ST3GAL3: variants seen among roughly 807,000 people sequenced by gnomAD.
ST3GAL3 encodes ST3 beta-galactoside alpha-2,3-sialyltransferase 3.
ST3GAL3 carries 21 observed loss-of-function variants against 50.1 expected under a neutral mutation model. The ratio of observed to expected loss-of-function variants is 0.42; its 90% confidence interval spans 0.30 to 0.60. ST3GAL3 has a LOEUF of 0.60. Among genes scored for constraint, ST3GAL3 ranks in the 20% least tolerant of loss-of-function variants. The pLI, the probability that ST3GAL3 is intolerant of heterozygous loss-of-function variation, is 0.19. For synonymous variants in ST3GAL3, 183 were observed against 190.0 expected, an observed-to-expected ratio of 0.96 and a Z score of 0.30; for missense variants, 353 against 489.4, an observed-to-expected ratio of 0.72 and a Z score of 2.63.
At chr1:43,892,972 A>G (rs1241719567) in intron 5 of ST3GAL3, among the ~76,000 whole-genome samples, 1 of 152,218 alleles carries the variant, frequency 6.6e-6, no homozygotes, top group Non-Finnish European at 1.5e-5. Context: ...TTACCCTTTT[A>G]CATGGGGTGG....
rs1371885136 is a variant in ST3GAL3 at position 43,765,791 on chromosome 1, GCGCGCGCGCGTC to G, written c.119-26304_119-26293del. On this transcript the variant is annotated intron_variant, in intron 2 of 11. Transcript: ENST00000347631. ...TGTGTGTGTGTGTGTGTGTGCGCGCGCGCGCGCGCGTCCGCGCGTCCGCGTGCGCTTTTTTTT... is the reference window on the plus strand; with the variant it reads ...TGTGTGTGTGTGTGTGTGTGCGCGCGCGCGCGTCCGCGTGCGCTTTTTTTT... Among the ~76,000 whole-genome samples, 344 of 147,410 alleles carry G rather than the reference GCGCGCGCGCGTC, an allele frequency of 2.3e-3. 1 individual carries two copies. The highest frequency in any genetic ancestry group is 8.7e-3 in the African/African-American group (327 of 37,422).
chr1:43,861,377 A>C (rs2069886691), intron 5 of ST3GAL3, among the ~76,000 whole-genome samples: 1 of 151,964 alleles, frequency 6.6e-6, no homozygotes, highest in African/African-American at 2.4e-5. Context: ...TTCTGTCTTT[A>C]TGCTCTGACT....
chr1:43,753,843 G>A (rs1445257023), intron 2 of ST3GAL3, among the ~76,000 whole-genome samples: 3 of 152,102 alleles, frequency 2.0e-5, no homozygotes, highest in Non-Finnish European at 2.9e-5. Flanking sequence ...CTGCAGCTGG[G>A]TTGAAGGATG....
intron 1 of ST3GAL3, among the ~76,000 whole-genome samples, chr1:43,729,392 C>T (rs1161775859): frequency 6.6e-6 from 1 of 151,976 alleles, no homozygotes; most frequent in Non-Finnish European, 1.5e-5. Context: ...ATATTAAAAA[C>T]CATTTTTTTC....
intron 2 of ST3GAL3, chr1:43,772,463 C>CA (rs1453863999): frequency 1.3e-5 from 2 of 155,594 alleles, no homozygotes; most frequent in African/African-American, 4.8e-5. Context: ...TCATTGCTTA[C>CA]GTCTTATTCT....
At chr1:43,887,921 A>G (rs1334601630) in intron 5 of ST3GAL3, among the ~76,000 whole-genome samples, 2 of 152,136 alleles carry the variant, frequency 1.3e-5, no homozygotes, top group South Asian at 4.1e-4. Context: ...TGATCTCCCC[A>G]TCACCATGAA....
intron 9 of ST3GAL3, among the ~76,000 whole-genome samples, chr1:43,905,414 CTGCCACTTTTCCTCCCCCT>C (rs1195749921): frequency 7.5e-5 from 9 of 119,820 alleles, no homozygotes; most frequent in Non-Finnish European, 1.2e-4. Flanking sequence ...GCTCCTCTTC[CTGCCACTTTTCCTCCCCCT>C]CGTCCTGCTC....
At chr1:43,919,027 G>A (rs1289458343) in intron 9 of ST3GAL3, 2 of 135,918 alleles carry the variant, frequency 1.5e-5, no homozygotes, top group Admixed American at 1.5e-4. Flanking sequence ...AAGTTTAGTT[G>A]ATTCTTTTAG....
In ST3GAL3 at chr1:43,877,303, CGAT is replaced by C. The variant is rs529541308; in HGVS notation, c.303-17070_303-17068del. On this transcript the variant is annotated intron_variant, in intron 5 of 11. Coordinates refer to ENST00000347631, the MANE Select transcript of ST3GAL3 (RefSeq NM_006279.5). ...CATTCATGCATTGCCCAGTCTGGGG[CGAT>C]GATGATGATTGTGATGTCATCTAGC... Among the ~76,000 whole-genome samples the C allele has an allele frequency of 3.6e-3, 545 of 152,200 alleles. 2 individuals carry two copies. The highest frequency in any genetic ancestry group is 4.4e-3 in the Non-Finnish European group (299 of 68,012).
chr1:43,765,810 T>TGCGTCCGCGCGC (rs1692666626), intron 2 of ST3GAL3, among the ~76,000 whole-genome samples: 12 of 146,560 alleles, frequency 8.2e-5, no homozygotes, highest in African/African-American at 2.9e-4. Flanking sequence ...CGTCCGCGCG[T>TGCGTCCGCGCGC]CCGCGTGCGC....
intron 11 of ST3GAL3, among the ~76,000 whole-genome samples, chr1:43,923,390 G>A (rs2083391573): frequency 6.6e-6 from 1 of 152,102 alleles, no homozygotes; most frequent in African/African-American, 2.4e-5. Context: ...ATTGTATCAG[G>A]CTTTTTTGGT....
At chr1:43,852,448 T>G (rs1038171417) in intron 5 of ST3GAL3, among the ~76,000 whole-genome samples, 1 of 152,228 alleles carries the variant, frequency 6.6e-6, no homozygotes, top group African/African-American at 2.4e-5. Context: ...GCTTTGTTAT[T>G]GTGTATATAA....
intron 5 of ST3GAL3, chr1:43,851,187 G>C: frequency 7.0e-7 from 1 of 1,428,342 alleles, no homozygotes; most frequent in Non-Finnish European, 9.9e-7. Flanking sequence ...TCCTCCAGCT[G>C]GTCATAGTTG....
chr1:43,834,263 A>T (rs760385639), intron 4 of ST3GAL3, among the ~76,000 whole-genome samples: 11 of 152,174 alleles, frequency 7.2e-5, no homozygotes, highest in Non-Finnish European at 1.2e-4. Flanking sequence ...AACTTGGGGA[A>T]ATATTTCCTA....
chr1:43,925,069 C>G (rs1270042597), intron 11 of ST3GAL3, among the ~76,000 whole-genome samples: 1 of 152,052 alleles, frequency 6.6e-6, no homozygotes, highest in African/African-American at 2.4e-5. Context: ...GCGGGTGGAT[C>G]ACCTGGGGTC....
rs112498601 is a variant in ST3GAL3, at chr1:43,712,521, A to C, written c.-31+4828A>C. On this transcript the variant is annotated intron_variant, in intron 1 of 11. Transcript: ENST00000347631. ...AAGGACATGTCCCTGGCCTCAAAGAACCTCCAGTCTAGTAGGACCAGAAGC... is the reference window on the plus strand; with the variant it reads ...AAGGACATGTCCCTGGCCTCAAAGACCCTCCAGTCTAGTAGGACCAGAAGC... 1.1e-3 allele frequency among the ~76,000 whole-genome samples: 161 copies of C among 152,232 alleles called. 4 individuals carry two copies. The Middle Eastern group carries it at 0.014, about 13-fold the overall frequency.
intron 1 of ST3GAL3, among the ~76,000 whole-genome samples, chr1:43,735,566 C>T: frequency 6.6e-6 from 1 of 152,294 alleles, no homozygotes; most frequent in East Asian, 1.9e-4. Flanking sequence ...CAGCCAACGG[C>T]CTGAGTGAGC....
chr1:43,838,460 C>A, intron 5 of ST3GAL3, 149 bp downstream of exon 5: 2 of 744,388 alleles, frequency 2.7e-6, no homozygotes, highest in Non-Finnish European at 4.7e-6. Flanking sequence ...TTGGTTCCTA[C>A]TCCAGTCCTA....
chr1:43,814,848 C>T, intron 3 of ST3GAL3, 43 bp from the exon 4 acceptor site: 2 of 1,603,486 alleles, frequency 1.2e-6, no homozygotes, highest in Non-Finnish European at 1.7e-6. Flanking sequence ...CTAGTATCAT[C>T]AGTGACTTGA....
Sources: allele counts gnomAD v4.1 joint callset (sites outside exome capture counted in the v4.1 genomes callset), GRCh38; gene constraint gnomAD v4.1.1; transcripts MANE v1.5; gene names NCBI Gene and HGNC (gene_info 2026-07-23, HGNC 2026-07-21).